The following NTNG1 variants were observed in gnomAD, a reference collection of about 807,000 sequenced individuals.
NTNG1 encodes netrin G1, also known as netrin-G1.
A neutral mutation model predicts 54.0 loss-of-function variants in NTNG1; 16 were observed. The observed-to-expected ratio is 0.30, with a 90% CI of 0.20 to 0.45. NTNG1 has a LOEUF of 0.45. Ranked by LOEUF, NTNG1 falls within the 20% of genes least tolerant of loss-of-function variation. NTNG1 has a pLI of 1.00. For synonymous variants in NTNG1, 255 were observed against 263.1 expected (o/e 0.97, Z 0.30); for missense variants, 530 against 678.7 (o/e 0.78, Z 2.43).
chr1:107,382,648 CT>C (rs1671717827), intron 3 of NTNG1, among the ~76,000 whole-genome samples: 1 of 152,008 alleles, frequency 6.6e-6, no homozygotes, highest in Non-Finnish European at 1.5e-5. Context: ...TTCTTTGTGT[CT>C]TTGCTTTAAA....
chr1:107,466,432 G>A (rs1217011501), intron 7 of NTNG1, among the ~76,000 whole-genome samples: 1 of 152,138 alleles, frequency 6.6e-6, no homozygotes, highest in East Asian at 1.9e-4. Flanking sequence ...TGCACACTCA[G>A]CAAAGAAGAA....
At chr1:107,151,051 T>TC (rs1654529696) in intron 2 of NTNG1, among the ~76,000 whole-genome samples, 1 of 152,200 alleles carries the variant, frequency 6.6e-6, no homozygotes, top group African/African-American at 2.4e-5. Flanking sequence ...TGTAAACTTG[T>TC]CATTGGACAG....
At chr1:107,309,444 T>C (rs1456471784) in intron 2 of NTNG1, among the ~76,000 whole-genome samples, 1 of 152,222 alleles carries the variant, frequency 6.6e-6, no homozygotes. Context: ...TTGAGCAGTT[T>C]CATATTTTGT....
chr1:107,352,977 G>A (rs1452333402), intron 3 of NTNG1, among the ~76,000 whole-genome samples: 2 of 152,208 alleles, frequency 1.3e-5, no homozygotes, highest in Non-Finnish European at 2.9e-5. Flanking sequence ...CACTGGGCCT[G>A]GCCCAGGAAA....
At chr1:107,375,244 T>C (rs1020672332) in intron 3 of NTNG1, among the ~76,000 whole-genome samples, 1 of 152,226 alleles carries the variant, frequency 6.6e-6, no homozygotes, top group African/African-American at 2.4e-5. Flanking sequence ...CTCAACTCCT[T>C]TGATCCGGGA....
At chr1:107,319,198 A>G (rs555102636) in intron 2 of NTNG1, among the ~76,000 whole-genome samples, 7 of 152,146 alleles carry the variant, frequency 4.6e-5, no homozygotes, top group Admixed American at 2.0e-4. Context: ...CAGAAAAGTC[A>G]CAAAGAAGGG....
At chr1:107,364,904 C>G (rs1670503689) in intron 3 of NTNG1, among the ~76,000 whole-genome samples, 1 of 152,106 alleles carries the variant, frequency 6.6e-6, no homozygotes, top group Admixed American at 6.5e-5. Flanking sequence ...AGTCCTCATT[C>G]ATTATGTAAA....
chr1:107,259,223 C>G (rs1267122205), intron 2 of NTNG1, among the ~76,000 whole-genome samples: 5 of 151,998 alleles, frequency 3.3e-5, no homozygotes, highest in Non-Finnish European at 7.4e-5. Context: ...TTTATTCAAT[C>G]AAAGCTCCAA....
intron 2 of NTNG1, among the ~76,000 whole-genome samples, chr1:107,243,883 T>A (rs1662008661): frequency 6.6e-6 from 1 of 152,226 alleles, no homozygotes; most frequent in Non-Finnish European, 1.5e-5. Context: ...TCTTTAAATA[T>A]ATTATTTTTC....
chr1:107,305,256 A>G (rs1007162635), intron 2 of NTNG1, among the ~76,000 whole-genome samples: 6 of 152,138 alleles, frequency 3.9e-5, no homozygotes, highest in African/African-American at 1.2e-4. Flanking sequence ...ATACCCAGTA[A>G]TGGGATGGCT....
chr1:107,194,406 C>A (rs974913022), intron 2 of NTNG1, among the ~76,000 whole-genome samples: 1 of 152,014 alleles, frequency 6.6e-6, no homozygotes, highest in African/African-American at 2.4e-5. Context: ...AACAGAAATT[C>A]ACATCAGTCT....
chr1:107,190,875 C>T (rs946673074), intron 2 of NTNG1, among the ~76,000 whole-genome samples: 9 of 152,034 alleles, frequency 5.9e-5, no homozygotes, highest in East Asian at 3.9e-4. Context: ...TGAATAGTGC[C>T]GCTATAAACA....
intron 3 of NTNG1, among the ~76,000 whole-genome samples, chr1:107,376,722 C>A (rs778506439): frequency 1.3e-5 from 2 of 152,084 alleles, no homozygotes; most frequent in Non-Finnish European, 2.9e-5. Context: ...AAATTTTTAA[C>A]CTAATTGCTG....
At chr1:107,419,006 C>G (rs1674402410) in intron 5 of NTNG1, among the ~76,000 whole-genome samples, 1 of 151,988 alleles carries the variant, frequency 6.6e-6, no homozygotes, top group Admixed American at 6.6e-5. Flanking sequence ...TTAAGTCAAC[C>G]AACTGGTACC....
intron 3 of NTNG1, among the ~76,000 whole-genome samples, chr1:107,350,864 G>A (rs1669556379): frequency 6.6e-6 from 1 of 152,126 alleles, no homozygotes; most frequent in Non-Finnish European, 1.5e-5. Context: ...GAAAATTCTT[G>A]TCAAAAAGTG....
intron 2 of NTNG1, among the ~76,000 whole-genome samples, chr1:107,206,009 T>A (rs1383338241): frequency 6.6e-6 from 1 of 152,188 alleles, no homozygotes; most frequent in Admixed American, 6.5e-5. Flanking sequence ...TGTGACAATT[T>A]ATCTGTCCAT....
chr1:107,314,345 G>A (rs778042287), intron 2 of NTNG1, among the ~76,000 whole-genome samples: 13 of 152,126 alleles, frequency 8.5e-5, no homozygotes, highest in Non-Finnish European at 1.9e-4. Context: ...GTTGCAGTGA[G>A]CCAAGATCGC....
chr1:107,240,738 C>T (rs1014487740), intron 2 of NTNG1, among the ~76,000 whole-genome samples: 8 of 152,138 alleles, frequency 5.3e-5, no homozygotes, highest in Admixed American at 1.3e-4. Flanking sequence ...GGTGAACAAA[C>T]TATATGCAAT....
chr1:107,396,913 C>T (rs1290572579), intron 4 of NTNG1, among the ~76,000 whole-genome samples: 1 of 152,206 alleles, frequency 6.6e-6, no homozygotes, highest in South Asian at 2.1e-4. Context: ...AGCTTCTATT[C>T]TAACGTGACC....
Sources: gnomAD v4.1 joint callset for allele counts (sites outside exome capture counted in the v4.1 genomes callset) on GRCh38, gnomAD v4.1.1 for gene constraint, MANE v1.5 for transcripts, NCBI Gene and HGNC (gene_info 2026-07-23, HGNC 2026-07-21) for gene names.